The following TMEM8B variants were observed in gnomAD, a reference collection of about 807,000 sequenced individuals.
The protein encoded by TMEM8B is transmembrane protein 8B, also known as nasopharyngeal carcinoma expressed 6.
Under a neutral mutation model 49.3 loss-of-function variants are expected in TMEM8B, and 29 were observed. The observed-to-expected ratio is 0.59, with a 90% CI of 0.44 to 0.80. The LOEUF (loss-of-function observed/expected upper bound fraction) is 0.80, where lower values mean the gene tolerates loss of function less well. Ranked by LOEUF, TMEM8B falls within the 30% of genes least tolerant of loss-of-function variation. TMEM8B has a pLI of 0.00. For missense variants in TMEM8B, 575 were observed against 658.5 expected (o/e 0.87, Z 1.39); for synonymous variants, 264 against 272.8 (o/e 0.97, Z 0.32).
chr9:35,829,552 G>C lies in TMEM8B; in HGVS notation c.105G>C (p.Gly35=). The stretch of plus-strand genomic sequence containing the variant: ...CACATCGGCCCCAGCCCCTGCCTGG[G>C]TCCCCATCCAGGACCCCCTTCCAGT... ...RFPHRPQPLP[G]SPSRTPFQSL... is the part of the protein sequence containing the mutation. Residue 35 remains glycine (G), a synonymous_variant, in exon 1 of 13, where the codon GGG becomes GGC. Coordinates refer to ENST00000643932, the MANE Select transcript of TMEM8B (RefSeq NM_001042590.4). 1 of 398,576 alleles carries C rather than the reference G, an allele frequency of 2.5e-6. No homozygotes were observed. Among genetic ancestry groups the C allele is most frequent in the Non-Finnish European group, 4.4e-6 (1 of 226,090 alleles). The allele number at this position is 398,576 out of a possible 1,614,324, so 24.7% of individuals were successfully genotyped here.
In TMEM8B at chr9:35,846,581, T is replaced by G. The variant is rs1159332800; in HGVS notation, c.1966T>G (p.Tyr656Asp). Residue 656 changes from tyrosine (Y) to aspartate (D), a missense_variant, in exon 9 of 13, where the codon TAT becomes GAT. Transcript: ENST00000643932. Reference sequence around the variant, plus strand: ...GTGCAAGCTGCTGCGCACACACAATTATCTGTACGCAGCCTGCGAGTGCAA... The same window carrying G: ...GTGCAAGCTGCTGCGCACACACAATGATCTGTACGCAGCCTGCGAGTGCAA... ...GQCKLLRTHN[Y>D]LYAACECKAG... The G allele has an allele frequency of 3.2e-6, 5 of 1,572,486 alleles. No individual in the cohort carries two copies. The highest frequency in any genetic ancestry group is 4.3e-6 in the Non-Finnish European group (5 of 1,158,888).
intron 1 of TMEM8B, among the ~76,000 whole-genome samples, chr9:35,832,858 C>T (rs1477914961): frequency 6.6e-6 from 1 of 152,186 alleles, no homozygotes; most frequent in Non-Finnish European, 1.5e-5. Flanking sequence ...AAACCCGTCT[C>T]TTCCATCAGT....
chr9:35,847,796 A>G (rs948020904), intron 10 of TMEM8B, among the ~76,000 whole-genome samples: 44 of 152,214 alleles, frequency 2.9e-4, no homozygotes, highest in Admixed American at 2.5e-3. Flanking sequence ...TCACTCCTCC[A>G]TAATCAGAAA....
At position 35,852,938 on chromosome 9, in the gene TMEM8B, A is replaced by G; in HGVS notation, c.2287A>G (p.Ile763Val). 1 of 1,614,158 alleles carries G rather than the reference A, an allele frequency of 6.2e-7. No individual in the cohort carries two copies. Among genetic ancestry groups the G allele is most frequent in the South Asian group, 1.1e-5 (1 of 91,090 alleles). ...CTTAATGTCCGTGTGGGTCACTGTC[A>G]TTGCCATGGCTCGTTTACAGCCCGT... The part of the protein sequence containing the change: ...GSLMSVWVTV[I>V]AMARLQPVVK... Residue 763 changes from isoleucine to valine, a missense_variant, in exon 11 of 13, where the codon ATT becomes GTT. Coordinates refer to ENST00000643932, the MANE Select transcript of TMEM8B (RefSeq NM_001042590.4).
In TMEM8B at chr9:35,832,759, C is replaced by A. The variant is rs187048590; in HGVS notation, c.509-1702C>A. On this transcript the variant is annotated intron_variant, in intron 1 of 12. Transcript: ENST00000643932. ...TTCCCTAACCCCAGCAGAAGGTGCGCTAGAGTTCTGATTTCTTCTAACAAT... is the reference window on the plus strand; with the variant it reads ...TTCCCTAACCCCAGCAGAAGGTGCGATAGAGTTCTGATTTCTTCTAACAAT... 1.6e-4 allele frequency among the ~76,000 whole-genome samples: 24 copies of A among 152,246 alleles called. 1 individual carries two copies. Among genetic ancestry groups the A allele is most frequent in the African/African-American group, 5.8e-4 (24 of 41,536 alleles).
At chr9:35,852,528 G>A (rs769760211) in intron 10 of TMEM8B, among the ~76,000 whole-genome samples, 23 of 152,252 alleles carry the variant, frequency 1.5e-4, no homozygotes, top group Non-Finnish European at 2.9e-4. Context: ...CTCAGCTTGA[G>A]GGTATCAGAA....
intron 3 of TMEM8B, among the ~76,000 whole-genome samples, chr9:35,836,904 G>T (rs1830498765): frequency 6.6e-6 from 1 of 152,190 alleles, no homozygotes; most frequent in South Asian, 2.1e-4. Context: ...AGCCCTGTTT[G>T]AGAGGTTGAT....
chr9:35,835,239 C>T (rs934477997), intron 3 of TMEM8B, 21 bp downstream of exon 3: 1 of 415,268 alleles, frequency 2.4e-6, no homozygotes, highest in African/African-American at 2.1e-5. Context: ...GTTGCCCAGG[C>T]TCGGGGGTCC....
chr9:35,834,069 C>CACACCT (rs768278144), intron 1 of TMEM8B, among the ~76,000 whole-genome samples: 1 of 150,900 alleles, frequency 6.6e-6, no homozygotes, highest in South Asian at 2.1e-4. Flanking sequence ...CACACACACA[C>CACACCT]ACCTTCCACA....
chr9:35,841,203 G>C lies in TMEM8B; in HGVS notation c.976G>C (p.Val326Leu). 1 of 416,170 alleles carries C rather than the reference G, an allele frequency of 2.4e-6. No homozygotes were observed. Among genetic ancestry groups the C allele is most frequent in the Non-Finnish European group, 4.4e-6 (1 of 226,760 alleles). The allele number at this position is 416,170 out of a possible 1,614,324, so 25.8% of individuals were successfully genotyped here. Reference sequence around the variant, plus strand: ...TGTCCGGCGTTTGCTGGACGTCGCTGTGCTGGTTCCTGGCCGGCCCTCAGA... The same window carrying C: ...TGTCCGGCGTTTGCTGGACGTCGCTCTGCTGGTTCCTGGCCGGCCCTCAGA... ...LIVRRLLDVA[V>L]LVPGRPSEQT... The change falls in exon 4 of 13, where the codon GTG becomes CTG. Residue 326 changes from valine (V) to leucine (L), a missense_variant. Coordinates refer to ENST00000643932, the MANE Select transcript of TMEM8B (RefSeq NM_001042590.4). This position sits in a 1 kb window ranked among gnomAD's most constrained non-coding sequence, Gnocchi z 5.9.
intron 3 of TMEM8B, among the ~76,000 whole-genome samples, chr9:35,840,901 C>T (rs1830920355): frequency 6.6e-6 from 1 of 152,188 alleles, no homozygotes; most frequent in African/African-American, 2.4e-5. Context: ...CCCAAAACCT[C>T]AGCCAGTGCT....
At chr9:35,845,877 C>T (rs1831476086) in intron 6 of TMEM8B, 98 bp from the exon 7 acceptor site, 18 of 1,602,592 alleles carry the variant, frequency 1.1e-5, no homozygotes, top group Non-Finnish European at 1.4e-5. Context: ...AATGGGCTGT[C>T]CTTGGAAGGT....
chr9:35,837,391 G>A (rs1294176798), intron 3 of TMEM8B, among the ~76,000 whole-genome samples: 2 of 152,144 alleles, frequency 1.3e-5, no homozygotes, highest in African/African-American at 4.8e-5. Context: ...AGGTGGTATT[G>A]GAAACTGTTA....
intron 10 of TMEM8B, among the ~76,000 whole-genome samples, 179 bp from the exon 11 acceptor site, chr9:35,852,648 C>G (rs1832254516): frequency 6.6e-6 from 1 of 152,088 alleles, no homozygotes; most frequent in Admixed American, 6.5e-5. Context: ...CAGACTGGAC[C>G]TCCTTACCAC....
At chr9:35,844,141 C>T (rs1180809512) in intron 6 of TMEM8B, among the ~76,000 whole-genome samples, 1 of 152,226 alleles carries the variant, frequency 6.6e-6, no homozygotes, top group Admixed American at 6.5e-5. Context: ...AATCAAGGGG[C>T]ATATACATTT....
rs1830518916 is a variant in TMEM8B, at chr9:35,837,142, T to G, written c.906+1924T>G. ...ACAGGAATTTATGTGGGTTTAGGGT[T>G]ATCCTTTGGTGGGAACTGAAGAGTC... On this transcript the variant is annotated intron_variant, in intron 3 of 12. Transcript: ENST00000643932. Among the ~76,000 whole-genome samples the G allele has an allele frequency of 2.0e-5, 3 of 152,222 alleles. No homozygotes were observed. In the South Asian group the frequency reaches 6.2e-4, roughly 32 times the overall value.
Position 35,853,315 on chromosome 9 carries a change from C to T in TMEM8B, c.2439+58C>T. 6.6e-7 allele frequency: 1 copy of T among 1,510,954 alleles called. No individual in the cohort carries two copies. Among genetic ancestry groups the T allele is most frequent in the East Asian group, 2.3e-5 (1 of 44,384 alleles). 93.6% of individuals were successfully genotyped at this position (1,510,954 alleles called of 1,614,324 possible). ...CCAGCAGGACTTGGGTGCTGGGCCCCAGGTATCTGGTCCCCAGTTTAAGGT... is the reference window on the plus strand; with the variant it reads ...CCAGCAGGACTTGGGTGCTGGGCCCTAGGTATCTGGTCCCCAGTTTAAGGT... On this transcript the variant is annotated intron_variant, in intron 12 of 12. Coordinates refer to ENST00000643932, the MANE Select transcript of TMEM8B (RefSeq NM_001042590.4). This position sits in a 1 kb window ranked among gnomAD's most constrained non-coding sequence, Gnocchi z 4.2.
chr9:35,841,185 C>T lies in TMEM8B; in HGVS notation c.958C>T (p.Arg320Cys), dbSNP rs1830950384. ...YLLQPQLIVR[R>C]LLDVAVLVPG... is the part of the protein sequence containing the mutation. ...CCTTCAGCCGCAGCTGATTGTCCGG[C>T]GTTTGCTGGACGTCGCTGTGCTGGT... is the stretch of plus-strand genomic sequence containing the variant. The change falls in exon 4 of 13, where the codon CGT becomes TGT. Residue 320 changes from arginine (R) to cysteine (C), a missense_variant. Transcript: ENST00000643932. The surrounding 1 kb of genome is among the most constrained non-coding windows in gnomAD (Gnocchi z 5.9). The T allele has an allele frequency of 4.8e-6, 2 of 416,012 alleles. No homozygotes were observed. The highest frequency in any genetic ancestry group is 8.8e-6 in the Non-Finnish European group (2 of 226,614). The allele number at this position is 416,012 out of a possible 1,614,324, so 25.8% of individuals were successfully genotyped here. A position where few individuals can be genotyped will look rare whatever the true frequency, so the allele number is the denominator to read the frequency against.
chr9:35,845,749 C>T (rs113965369), intron 6 of TMEM8B: 1 of 985,426 alleles, frequency 1.0e-6, no homozygotes, highest in African/African-American at 1.7e-5. Context: ...CAAAATTGGG[C>T]CTTGCCGTCT....
Sources: gnomAD v4.1 joint callset for allele counts (sites outside exome capture counted in the v4.1 genomes callset) on GRCh38, gnomAD v4.1.1 for gene constraint, Gnocchi (gnomAD v3.1) non-coding constraint, MANE v1.5 for transcripts, NCBI Gene and HGNC (gene_info 2026-07-23, HGNC 2026-07-21) for gene names.